The following DLG2 variants were observed in gnomAD, a reference collection of about 807,000 sequenced individuals.
DLG2 encodes the protein disks large homolog 2.
In DLG2, 45 loss-of-function variants were observed where a neutral mutation model predicts 132.5. That is an observed-to-expected ratio of 0.34 (90% CI 0.27 to 0.44). The LOEUF (loss-of-function observed/expected upper bound fraction) is 0.44. Ranked by LOEUF, DLG2 falls within the 20% of genes least tolerant of loss-of-function variation. DLG2 has a pLI of 1.00. For missense variants in DLG2, 1,045 were observed against 1,196.9 expected, an observed-to-expected ratio of 0.87 and a Z score of 1.87; for synonymous variants, 424 against 419.6, an observed-to-expected ratio of 1.01 and a Z score of -0.13.
intron 21 of DLG2, among the ~76,000 whole-genome samples, chr11:83,498,461 T>C (rs1231722814): frequency 6.6e-6 from 1 of 151,920 alleles, no homozygotes; most frequent in Non-Finnish European, 1.5e-5. Flanking sequence ...AACCAATGGA[T>C]CAAAGAAGAA....
intron 6 of DLG2, among the ~76,000 whole-genome samples, chr11:85,084,982 TGTTA>T (rs1393675071): frequency 3.9e-5 from 6 of 152,172 alleles, no homozygotes; most frequent in Non-Finnish European, 8.8e-5. Flanking sequence ...CTCCATAAAC[TGTTA>T]GTTTGGTCCA....
chr11:84,163,822 G>A (rs538770317), intron 8 of DLG2, among the ~76,000 whole-genome samples: 1 of 152,132 alleles, frequency 6.6e-6, no homozygotes, highest in East Asian at 1.9e-4. Flanking sequence ...TCATCTAGGG[G>A]CAATGATACA....
chr11:84,247,914 T>C (rs1423524244), intron 8 of DLG2, among the ~76,000 whole-genome samples: 1 of 152,216 alleles, frequency 6.6e-6, no homozygotes, highest in East Asian at 1.9e-4. Context: ...CTTTAATATA[T>C]GTTAAAGCTT....
chr11:83,534,823 A>T (rs1405169969), intron 20 of DLG2, among the ~76,000 whole-genome samples: 2 of 152,168 alleles, frequency 1.3e-5, no homozygotes, highest in East Asian at 3.9e-4. Flanking sequence ...GACACCTGTA[A>T]TCCCAGCTAC....
chr11:84,044,415 C>G (rs1421697896), intron 11 of DLG2, among the ~76,000 whole-genome samples: 1 of 151,668 alleles, frequency 6.6e-6, no homozygotes, highest in Admixed American at 6.6e-5. Flanking sequence ...ACTGGTTTAC[C>G]TTTGTCCTTT....
chr11:83,545,890 G>A (rs2096228181), intron 19 of DLG2, among the ~76,000 whole-genome samples: 1 of 152,112 alleles, frequency 6.6e-6, no homozygotes, highest in South Asian at 2.1e-4. Context: ...TCACATCTGG[G>A]AAAAATGCTA....
chr11:84,045,205 G>A (rs768584292), intron 11 of DLG2, among the ~76,000 whole-genome samples: 2 of 151,518 alleles, frequency 1.3e-5, no homozygotes, highest in Non-Finnish European at 3.0e-5. Flanking sequence ...TATACCTGTG[G>A]TATTCACTTT....
At chr11:85,513,176 A>C (rs2094111093) in intron 3 of DLG2, among the ~76,000 whole-genome samples, 1 of 151,946 alleles carries the variant, frequency 6.6e-6, no homozygotes, top group Admixed American at 6.6e-5. Context: ...GAAAAAATAA[A>C]CACTGAGGAT....
At chr11:85,569,597 G>A (rs948129284) in intron 3 of DLG2, among the ~76,000 whole-genome samples, 6 of 151,690 alleles carry the variant, frequency 4.0e-5, no homozygotes, top group Admixed American at 1.3e-4. Flanking sequence ...GTATGATTTC[G>A]GCCTTTCAAA....
chr11:84,739,082 G>A (rs1325325576), intron 6 of DLG2, among the ~76,000 whole-genome samples: 1 of 152,096 alleles, frequency 6.6e-6, no homozygotes, highest in Admixed American at 6.5e-5. Flanking sequence ...GAATCTTGGG[G>A]TGATGGTAAT....
chr11:84,174,392 A>G (rs1051505265), intron 8 of DLG2, among the ~76,000 whole-genome samples: 3 of 152,026 alleles, frequency 2.0e-5, no homozygotes, highest in Non-Finnish European at 4.4e-5. Flanking sequence ...CCCAGAGAAC[A>G]TTTCATACCA....
chr11:84,728,541 C>T (rs759140449), intron 6 of DLG2, among the ~76,000 whole-genome samples: 1 of 152,038 alleles, frequency 6.6e-6, no homozygotes, highest in Non-Finnish European at 1.5e-5. Flanking sequence ...GAATATTGGC[C>T]TGATATTTTC....
chr11:84,581,483 G>C (rs919062591), intron 6 of DLG2, among the ~76,000 whole-genome samples: 2 of 152,138 alleles, frequency 1.3e-5, no homozygotes, highest in Non-Finnish European at 2.9e-5. Context: ...AAATTGTTGG[G>C]CACAAACTAT....
intron 9 of DLG2, among the ~76,000 whole-genome samples, chr11:84,133,172 T>C (rs1030272441): frequency 2.6e-5 from 4 of 152,076 alleles, no homozygotes; most frequent in Non-Finnish European, 5.9e-5. Context: ...GTTTTTCTTC[T>C]GAGATAGCAA....
At chr11:84,797,210 C>T (rs1180473885) in intron 6 of DLG2, among the ~76,000 whole-genome samples, 2 of 152,074 alleles carry the variant, frequency 1.3e-5, no homozygotes, top group East Asian at 3.9e-4. Context: ...AGGTAGTCTT[C>T]TTTGGGTTAA....
intron 25 of DLG2, among the ~76,000 whole-genome samples, chr11:83,468,697 C>G (rs1301022010): frequency 6.6e-6 from 1 of 152,156 alleles, no homozygotes; most frequent in Non-Finnish European, 1.5e-5. Context: ...GAACATTCTT[C>G]TCTTTTCCAT....
At chr11:84,355,492 C>T (rs1426405688) in intron 7 of DLG2, among the ~76,000 whole-genome samples, 1 of 152,066 alleles carries the variant, frequency 6.6e-6, no homozygotes, top group Admixed American at 6.6e-5. Flanking sequence ...CAAGAAGGTG[C>T]TCAAGGCAGA....
At chr11:84,895,713 A>T (rs1398167327) in intron 6 of DLG2, among the ~76,000 whole-genome samples, 1 of 152,142 alleles carries the variant, frequency 6.6e-6, no homozygotes, top group Non-Finnish European at 1.5e-5. Flanking sequence ...TGTTTCTCTG[A>T]GGCAATATTT....
chr11:84,307,394 T>A (rs2098231710), intron 7 of DLG2, among the ~76,000 whole-genome samples: 1 of 152,082 alleles, frequency 6.6e-6, no homozygotes, highest in Non-Finnish European at 1.5e-5. Flanking sequence ...ACCTATTGAA[T>A]ATTATATTAC....
Sources: allele counts gnomAD v4.1 joint callset (sites outside exome capture counted in the v4.1 genomes callset), GRCh38; gene constraint gnomAD v4.1.1; transcripts MANE v1.5; gene names NCBI Gene and HGNC (gene_info 2026-07-23, HGNC 2026-07-21).